The following NUTM2D variants were observed in gnomAD, a reference collection of about 807,000 sequenced individuals.
NUTM2D encodes the protein NUT family member 2A pseudogene.
In NUTM2D, 2 loss-of-function variants were observed where a neutral mutation model predicts 43.5. The observed-to-expected ratio is 0.05, with a 90% CI of 0.02 to 0.14. The LOEUF is 0.14. Among genes scored for constraint, NUTM2D ranks in the 10% least tolerant of loss-of-function variants. The probability of loss-of-function intolerance (pLI) is 1.00; values close to 1 mark genes in which losing one functional copy is unlikely to be tolerated. For missense variants in NUTM2D, 48 were observed against 668.7 expected (o/e 0.07, Z 10.24); for synonymous variants, 24 against 276.6 (o/e 0.09, Z 9.06).
chr10:87,358,711 G>A, intron 1 of NUTM2D, among the ~76,000 whole-genome samples: 1 of 106,894 alleles, frequency 9.4e-6, no homozygotes. Context: ...GAAGGAGACA[G>A]GTCACGTCAT....
chr10:87,362,925 C>CT (rs2131729035), intron 2 of NUTM2D, among the ~76,000 whole-genome samples: 1 of 149,996 alleles, frequency 6.7e-6, no homozygotes, highest in African/African-American at 2.5e-5. Context: ...ACACTGAGGA[C>CT]TCGAGGGGCA....
downstream of NUTM2D, chr10:87,370,027 C>T (rs1044265012): frequency 6.6e-6 from 1 of 152,110 alleles, no homozygotes; most frequent in Non-Finnish European, 1.5e-5. Flanking sequence ...CTAACTTCAG[C>T]GTTGCATGAT....
Position 87,361,477 on chromosome 10 carries a change from C to T in NUTM2D, c.866+297C>T, listed in dbSNP as rs1850262519. 3.8e-5 allele frequency among the ~76,000 whole-genome samples: 2 copies of T among 52,420 alleles called. 1 individual carries two copies. The highest frequency in any genetic ancestry group is 5.0e-4 in the Admixed American group (2 of 4,006). 34.4% of individuals were successfully genotyped at this position (52,420 alleles called of 152,430 possible). On this transcript the variant is annotated intron_variant, in intron 2 of 6. Coordinates refer to ENST00000381697, the MANE Select transcript of NUTM2D (RefSeq NM_001382304.1). ...AGGTCAGAGAGGGTTCCTGGTGTGA[C>T]GTGAGCTACGGTTTGGGTTTAGGTC...
chr10:87,368,137 G>C (rs1485331648), downstream of NUTM2D: 1 of 152,618 alleles, frequency 6.6e-6, no homozygotes, highest in African/African-American at 2.4e-5. Context: ...CAGAGTCTAT[G>C]AGTGAGATGA....
chr10:87,370,348 ACT>A (rs1484253122), downstream of NUTM2D: 1 of 152,132 alleles, frequency 6.6e-6, no homozygotes, highest in African/African-American at 2.4e-5. Flanking sequence ...CCATATGGAA[ACT>A]CTGTGTTTAA....
At position 87,365,118 on chromosome 10, in the gene NUTM2D, C is replaced by T. The variant is rs1850281577; in HGVS notation, c.1433C>T (p.Pro478Leu). ...CGGGAAGAGGGCGAAGTGAAGCAGC[C>T]ACAGGAAGAGGACTGGACGCCCCCA... The part of the protein sequence containing the change: ...KQREEGEVKQ[P>L]QEEDWTPPDP... Residue 478 changes from proline to leucine, a missense_variant, in exon 5 of 7, where the codon CCA (proline) becomes CTA (leucine). Coordinates refer to ENST00000381697, the MANE Select transcript of NUTM2D (RefSeq NM_001382304.1). The T allele has an allele frequency of 9.3e-7, 1 of 1,075,800 alleles. No homozygotes were observed. Among genetic ancestry groups the T allele is most frequent in the Non-Finnish European group, 1.3e-6 (1 of 754,510 alleles). The allele number at this position is 1,075,800 out of a possible 1,614,324, so 66.6% of individuals were successfully genotyped here.
downstream of NUTM2D, chr10:87,367,383 A>T: frequency 6.2e-7 from 1 of 1,601,390 alleles, no homozygotes; most frequent in Non-Finnish European, 8.5e-7. Context: ...GGAAGCCCTG[A>T]TCCCTCCCAC....
chr10:87,359,798 G>A (rs1467847748), intron 1 of NUTM2D, among the ~76,000 whole-genome samples: 16 of 149,310 alleles, frequency 1.1e-4, no homozygotes, highest in Admixed American at 6.0e-4. Flanking sequence ...AGTGGCAGCC[G>A]GGACCATCGA....
chr10:87,360,783 C>G lies in NUTM2D; in HGVS notation c.469C>G (p.Leu157Val). 3.5e-6 allele frequency: 2 copies of G among 566,732 alleles called. No individual in the cohort carries two copies. Among genetic ancestry groups the G allele is most frequent in the Non-Finnish European group, 4.6e-6 (2 of 433,254 alleles). 35.1% of individuals were successfully genotyped at this position (566,732 alleles called of 1,614,324 possible). The change falls in exon 2 of 7, where the codon CTC (leucine) becomes GTC (valine). Residue 157 changes from leucine (L) to valine (V), a missense_variant. By Grantham distance (32) the Leu-to-Val change is conservative. Transcript: ENST00000381697. ...GACCTTGGTCTTAACTCAGACCCCC[C>G]TCGTCTGGCAGGCTCCAGGCGCCCT... ...AQTLVLTQTPLVWQAPGALCG... is the reference protein window; with the variant it reads ...AQTLVLTQTPVVWQAPGALCG...
chr10:87,369,522 T>A (rs910629503), downstream of NUTM2D: 8 of 151,630 alleles, frequency 5.3e-5, no homozygotes, highest in Non-Finnish European at 7.4e-5. Flanking sequence ...CTCAAGAACT[T>A]CCTTCATGAC....
At chr10:87,360,200 G>A (rs1300113566) in intron 1 of NUTM2D, among the ~76,000 whole-genome samples, 2 of 81,360 alleles carry the variant, frequency 2.5e-5, no homozygotes, top group African/African-American at 5.4e-5. Context: ...GAGGCTGACA[G>A]GGTCTGCCAG....
chr10:87,365,576 C>T, intron 5 of NUTM2D, 113 bp from the exon 6 acceptor site: 1 of 543,846 alleles, frequency 1.8e-6, no homozygotes, highest in Non-Finnish European at 3.3e-6. Context: ...TATGAGACAG[C>T]CCCAGGAGGG....
In NUTM2D at chr10:87,365,301, G is replaced by A. The variant is rs1418479605; in HGVS notation, c.1518+98G>A. 1,967 of 1,572,520 alleles carry A rather than the reference G, an allele frequency of 1.3e-3. 2 individuals carry two copies. The African/African-American group carries it at 0.022, about 18-fold the overall frequency. On this transcript the variant is annotated intron_variant, in intron 5 of 6. Coordinates refer to ENST00000381697, the MANE Select transcript of NUTM2D (RefSeq NM_001382304.1). ...CTGTTCCTTAGCTACTCAGCAGTGT[G>A]TGTATTTCCAAGGATTTGAGTGTCT...
chr10:87,370,297 C>T (rs530101380), downstream of NUTM2D: 27 of 152,206 alleles, frequency 1.8e-4, no homozygotes, highest in African/African-American at 6.0e-4. Context: ...ATGTATGTTT[C>T]CATTTCTCAT....
chr10:87,359,578 G>A (rs1350060502), intron 1 of NUTM2D, among the ~76,000 whole-genome samples: 1 of 88,070 alleles, frequency 1.1e-5, no homozygotes, highest in Non-Finnish European at 2.3e-5. Flanking sequence ...CAAAGGAGAA[G>A]GGCCAGGGAT....
intron 4 of NUTM2D, 49 bp from the exon 5 acceptor site, chr10:87,364,772 C>T: frequency 2.8e-6 from 1 of 356,742 alleles, no homozygotes; most frequent in South Asian, 2.7e-5. Flanking sequence ...GTGGTGCCAG[C>T]AGGAGGAGCG....
At chr10:87,369,681 A>G (rs2131732945), downstream of NUTM2D, 1 of 151,710 alleles carries the variant, frequency 6.6e-6, no homozygotes. Flanking sequence ...AATACCCATG[A>G]TGTCATCGCA....
intron 5 of NUTM2D, 97 bp downstream of exon 5, chr10:87,365,300 T>C (rs1446918765): frequency 1.9e-6 from 3 of 1,571,992 alleles, no homozygotes; most frequent in East Asian, 2.2e-5. Flanking sequence ...CTCAGCAGTG[T>C]GTGTATTTCC....
downstream of NUTM2D, chr10:87,370,336 G>A (rs950813045): frequency 1.3e-5 from 2 of 152,116 alleles, no homozygotes; most frequent in African/African-American, 4.8e-5. Context: ...GAAATTGGTG[G>A]ACCATATGGA....
Sources: gnomAD v4.1 joint callset for allele counts (sites outside exome capture counted in the v4.1 genomes callset) on GRCh38, gnomAD v4.1.1 for gene constraint, MANE v1.5 for transcripts, NCBI Gene and HGNC (gene_info 2026-07-23, HGNC 2026-07-21) for gene names.